Variants in FARS2 observed in about 807,000 individuals in gnomAD.
FARS2 encodes phenylalanyl-tRNA synthetase 2, mitochondrial.
FARS2 carries 40 observed loss-of-function variants against 46.4 expected under a neutral mutation model. That is an observed-to-expected ratio of 0.86 (90% confidence interval 0.67 to 1.12). FARS2 has a LOEUF of 1.12. Ranked by LOEUF, FARS2 falls within the 50% of genes most tolerant of loss-of-function variation. FARS2 has a pLI of 0.00. For synonymous variants in FARS2, 234 were observed against 214.9 expected (o/e 1.09, Z -0.78); for missense variants, 513 against 567.9 (o/e 0.90, Z 0.98).
At chr6:5,538,356 G>A (rs1399586149) in intron 4 of FARS2, among the ~76,000 whole-genome samples, 2 of 152,104 alleles carry the variant, frequency 1.3e-5, no homozygotes, top group African/African-American at 2.4e-5. Flanking sequence ...AAAATAAATA[G>A]TTGAGATAAT....
Position 5,654,581 on chromosome 6 carries a change from C to T in FARS2, c.1217+41261C>T, listed in dbSNP as rs143660102. Among the ~76,000 whole-genome samples the T allele has an allele frequency of 5.3e-5, 8 of 152,240 alleles. No homozygotes were observed. The East Asian group carries it at 1.5e-3, about 29-fold the overall frequency. ...AAAAGCATTAAGACTCGAAGACCTG[C>T]TACTCTTCAAGGGTGGATTCCAGGC... is the stretch of plus-strand genomic sequence containing the variant. On this transcript the variant is annotated intron_variant, in intron 6 of 6. Coordinates refer to ENST00000274680, the MANE Select transcript of FARS2 (RefSeq NM_006567.5).
At chr6:5,433,740 A>G (rs976952626) in intron 4 of FARS2, among the ~76,000 whole-genome samples, 1 of 152,240 alleles carries the variant, frequency 6.6e-6, no homozygotes, top group Non-Finnish European at 1.5e-5. Context: ...AATGACTACT[A>G]GGCTTCCTCC....
At chr6:5,463,026 C>A (rs1251327261) in intron 4 of FARS2, among the ~76,000 whole-genome samples, 1 of 152,160 alleles carries the variant, frequency 6.6e-6, no homozygotes, top group Non-Finnish European at 1.5e-5. Flanking sequence ...CTATTCAACT[C>A]GGCTATTGTG....
At chr6:5,485,218 G>C (rs1322061560) in intron 4 of FARS2, among the ~76,000 whole-genome samples, 1 of 152,090 alleles carries the variant, frequency 6.6e-6, no homozygotes, top group African/African-American at 2.4e-5. Context: ...CATTGAGTGT[G>C]GTGTCTCACT....
intron 6 of FARS2, among the ~76,000 whole-genome samples, chr6:5,740,780 A>G (rs938425757): frequency 2.6e-5 from 4 of 152,212 alleles, no homozygotes; most frequent in Non-Finnish European, 5.9e-5. Context: ...CCTGGGGGGA[A>G]TAGCCCCACT....
intron 1 of FARS2, among the ~76,000 whole-genome samples, chr6:5,271,625 C>T (rs1011428456): frequency 7.2e-6 from 1 of 138,938 alleles, no homozygotes; most frequent in African/African-American, 2.7e-5. Flanking sequence ...TGCAGTGGCA[C>T]GATCTTGGCT....
At chr6:5,475,314 C>T (rs192143007) in intron 4 of FARS2, among the ~76,000 whole-genome samples, 73 of 152,152 alleles carry the variant, frequency 4.8e-4, no homozygotes, top group African/African-American at 1.6e-3. Context: ...AGAATGTGGG[C>T]GTAGTACTAC....
At chr6:5,560,112 T>G (rs1174697600) in intron 5 of FARS2, among the ~76,000 whole-genome samples, 1 of 152,160 alleles carries the variant, frequency 6.6e-6, no homozygotes, top group Non-Finnish European at 1.5e-5. Flanking sequence ...GAGATCGAAC[T>G]AAATGAACTA....
intron 1 of FARS2, among the ~76,000 whole-genome samples, chr6:5,344,343 C>G (rs1757091780): frequency 6.6e-6 from 1 of 152,216 alleles, no homozygotes; most frequent in Non-Finnish European, 1.5e-5. Flanking sequence ...TCACACTGAC[C>G]TGAAGGAAGG....
At chr6:5,252,453 A>T in the FARS2 span, among the ~76,000 whole-genome samples, 1 of 152,122 alleles carries the variant, frequency 6.6e-6, no homozygotes, top group Non-Finnish European at 1.5e-5. Flanking sequence ...CTTCAGCCAC[A>T]ATTACCCACG....
At chr6:5,452,189 G>C (rs1274947764) in intron 4 of FARS2, 1 of 152,248 alleles carries the variant, frequency 6.6e-6, no homozygotes, top group Non-Finnish European at 1.5e-5. Flanking sequence ...AGTTTACTTC[G>C]AGTCTTTGAG....
At chr6:5,380,116 G>A (rs1237586474) in intron 2 of FARS2, among the ~76,000 whole-genome samples, 1 of 152,186 alleles carries the variant, frequency 6.6e-6, no homozygotes, top group Non-Finnish European at 1.5e-5. Context: ...AAACAATTAG[G>A]TAATGGGAAA....
chr6:5,620,700 C>G (rs1269477754), intron 6 of FARS2, among the ~76,000 whole-genome samples: 2 of 152,218 alleles, frequency 1.3e-5, no homozygotes, highest in Non-Finnish European at 2.9e-5. Flanking sequence ...CCTTCACTGT[C>G]CAGCAATCAG....
chr6:5,654,665 A>C (rs900415075), intron 6 of FARS2, among the ~76,000 whole-genome samples: 18 of 152,248 alleles, frequency 1.2e-4, no homozygotes, highest in Non-Finnish European at 2.1e-4. Context: ...GGAGCCCCAT[A>C]CACCACTGCA....
intron 6 of FARS2, among the ~76,000 whole-genome samples, chr6:5,754,692 G>A (rs750022106): frequency 6.6e-6 from 1 of 152,204 alleles, no homozygotes; most frequent in South Asian, 2.1e-4. Context: ...GCTTAGCTGG[G>A]TATAATTGAT....
intron 1 of FARS2, among the ~76,000 whole-genome samples, chr6:5,335,173 A>G (rs1347954360): frequency 1.3e-5 from 2 of 152,166 alleles, no homozygotes; most frequent in Admixed American, 6.5e-5. Flanking sequence ...TTACTTCCCA[A>G]TCAGTATTCT....
rs139618748 is a variant in FARS2 at position 5,368,894 on chromosome 6, G to A, written c.324G>A (p.Pro108=). The stretch of plus-strand genomic sequence containing the variant: ...AGTATGTGGGCCGCTTTGGGACCCC[G>A]TTGTTCTCGGTCTACGACAACCTTT... ...YKQYVGRFGT[P]LFSVYDNLSP... The change falls in exon 2 of 7, where the codon CCG becomes CCA. Residue 108 remains proline, a synonymous_variant. Coordinates refer to ENST00000274680, the MANE Select transcript of FARS2 (RefSeq NM_006567.5). 2.7e-4 allele frequency: 432 copies of A among 1,614,132 alleles called. No homozygotes were observed. Among genetic ancestry groups the A allele is most frequent in the Non-Finnish European group, 3.5e-4 (414 of 1,180,026 alleles).
At chr6:5,570,304 C>T (rs1201374435) in intron 5 of FARS2, among the ~76,000 whole-genome samples, 1 of 152,188 alleles carries the variant, frequency 6.6e-6, no homozygotes, top group South Asian at 2.1e-4. Flanking sequence ...TGAGAAGAGA[C>T]GATGATATTG....
In FARS2 at chr6:5,736,421, T is replaced by C. The variant is rs116004418; in HGVS notation, c.1218-34870T>C. Among the ~76,000 whole-genome samples the C allele has an allele frequency of 5.4e-3, 829 of 152,250 alleles. 10 individuals are homozygous for C. Among genetic ancestry groups the C allele is most frequent in the African/African-American group, 0.019 (790 of 41,538 alleles). On this transcript the variant is annotated intron_variant, in intron 6 of 6. Coordinates refer to ENST00000274680, the MANE Select transcript of FARS2 (RefSeq NM_006567.5). Reference sequence around the variant, plus strand: ...ATCTCTAGGGGGCATCTCTGGAGATTGCCACCACAGGTGGCACATTCTTGT... The same window carrying C: ...ATCTCTAGGGGGCATCTCTGGAGATCGCCACCACAGGTGGCACATTCTTGT...
Sources: allele counts gnomAD v4.1 joint callset (sites outside exome capture counted in the v4.1 genomes callset), GRCh38; gene constraint gnomAD v4.1.1; transcripts MANE v1.5; gene names NCBI Gene and HGNC (gene_info 2026-07-23, HGNC 2026-07-21).